TAB1: variants seen among roughly 807,000 people sequenced by gnomAD.
The protein encoded by TAB1 is TGF-beta-activated kinase 1 and MAP3K7-binding protein 1.
Under a neutral mutation model 54.5 loss-of-function variants are expected in TAB1, and 30 were observed. That is an observed-to-expected ratio of 0.55 (90% confidence interval 0.41 to 0.75). TAB1 has a LOEUF of 0.75. Among genes scored for constraint, TAB1 ranks in the 30% least tolerant of loss-of-function variants. The probability of loss-of-function intolerance (pLI) is 0.00; values close to 1 mark genes in which losing one functional copy is unlikely to be tolerated. For missense variants in TAB1, 609 were observed against 683.2 expected (o/e 0.89, Z 1.21); for synonymous variants, 289 against 286.9 (o/e 1.01, Z -0.07).
chr22:39,419,586 G>A lies in TAB1; in HGVS notation c.732G>A (p.Gly244=), dbSNP rs1926983090. Residue 244 remains glycine, a synonymous_variant, in exon 7 of 11, where the codon GGG becomes GGA. Coordinates refer to ENST00000216160, the MANE Select transcript of TAB1 (RefSeq NM_006116.3). Reference sequence around the variant, plus strand: ...GGCAGGAGAGCACCCGGCGGATCGGGGATTACAAGGTTAAATATGGCTACA... The same window carrying A: ...GGCAGGAGAGCACCCGGCGGATCGGAGATTACAAGGTTAAATATGGCTACA... ...ICGQESTRRI[G]DYKVKYGYTD... The A allele has an allele frequency of 2.5e-6, 4 of 1,613,072 alleles. No homozygotes were observed. In the East Asian group the frequency reaches 8.9e-5, roughly 36 times the overall value.
intron 1 of TAB1, among the ~76,000 whole-genome samples, chr22:39,409,527 C>T (rs1926518661): frequency 2.0e-5 from 3 of 152,234 alleles, no homozygotes; most frequent in Admixed American, 2.0e-4. Flanking sequence ...CCTGTGCTCA[C>T]TAGAGAGGCC....
chr22:39,414,197 G>A (rs1926726542), intron 1 of TAB1, among the ~76,000 whole-genome samples: 1 of 152,042 alleles, frequency 6.6e-6, no homozygotes, highest in Admixed American at 6.6e-5. Flanking sequence ...TCCTGGAGGT[G>A]GTGACTCCTG....
intron 1 of TAB1, among the ~76,000 whole-genome samples, chr22:39,401,084 C>T (rs1465127770): frequency 3.3e-5 from 5 of 150,922 alleles, no homozygotes; most frequent in African/African-American, 1.2e-4. Context: ...AGGACAGGGA[C>T]CTGTGATCTC....
rs1394951431 is a variant in TAB1, at chr22:39,428,027, G to C, written c.1151G>C (p.Gly384Ala). 5 of 1,591,942 alleles carry C rather than the reference G, an allele frequency of 3.1e-6. No homozygotes were observed. In the East Asian group the frequency reaches 9.0e-5, roughly 29 times the overall value. Reference protein sequence around the residue: ...QPTPSPAPAAGGRVYPVSVPY... With the variant: ...QPTPSPAPAAAGRVYPVSVPY... ...CACTCTCTTCCTCCCAAAGCTGCAG[G>C]AGGACGAGTGTACCCTGTGTCTGTG... The change falls in exon 10 of 11, where the codon GGA (glycine) becomes GCA (alanine). Residue 384 changes from glycine to alanine, a missense_variant. Gly to Ala is a moderately conservative substitution (Grantham distance 60). Coordinates refer to ENST00000216160, the MANE Select transcript of TAB1 (RefSeq NM_006116.3).
chr22:39,415,255 G>A lies in TAB1; in HGVS notation c.170+113G>A, dbSNP rs1216795676. The stretch of plus-strand genomic sequence containing the variant: ...TGGGCTTGCCAGTGACATGTGGCCC[G>A]TGAGAGGTGGCCTCTGCTGCTGTCT... On this transcript the variant is annotated intron_variant, in intron 2 of 10. Transcript: ENST00000216160. The surrounding 1 kb of genome is among the most constrained non-coding windows in gnomAD (Gnocchi z 4.9). The A allele has an allele frequency of 1.0e-5, 14 of 1,336,950 alleles. No individual in the cohort carries two copies. The highest frequency in any genetic ancestry group is 4.7e-5 in the East Asian group (2 of 42,442). 82.8% of individuals were successfully genotyped at this position (1,336,950 alleles called of 1,614,324 possible).
chr22:39,424,808 A>G (rs1927247638), intron 8 of TAB1, among the ~76,000 whole-genome samples: 1 of 152,118 alleles, frequency 6.6e-6, no homozygotes, highest in African/African-American at 2.4e-5. Flanking sequence ...GCCTTATAAC[A>G]TAGAGGGACA....
At chr22:39,408,468 T>C (rs1242629748) in intron 1 of TAB1, among the ~76,000 whole-genome samples, 1 of 152,240 alleles carries the variant, frequency 6.6e-6, no homozygotes, top group Non-Finnish European at 1.5e-5. Flanking sequence ...CTTTCTTTAC[T>C]TGTGGAAGAC....
downstream of TAB1, among the ~76,000 whole-genome samples, chr22:39,434,068 G>A (rs1312759187): frequency 1.3e-5 from 2 of 152,184 alleles, no homozygotes; most frequent in East Asian, 3.9e-4. Flanking sequence ...GGGACAGAGG[G>A]AATGGCCGTG....
chr22:39,426,708 T>C lies in TAB1; in HGVS notation c.927T>C (p.Ile309=). ...AHGPGQANQE[I]AAMIDTEFAK... Reference sequence around the variant, plus strand: ...CTTCCTACCCCCTCCCCCAGGAGATTGCTGCGATGATTGACACTGAGTTTG... The same window carrying C: ...CTTCCTACCCCCTCCCCCAGGAGATCGCTGCGATGATTGACACTGAGTTTG... Residue 309 remains isoleucine, a synonymous_variant, in exon 9 of 11, where the codon ATT becomes ATC. Coordinates refer to ENST00000216160, the MANE Select transcript of TAB1 (RefSeq NM_006116.3). 1.9e-6 allele frequency: 3 copies of C among 1,599,628 alleles called. No individual in the cohort carries two copies. Among genetic ancestry groups the C allele is most frequent in the Non-Finnish European group, 2.6e-6 (3 of 1,168,362 alleles).
chr22:39,412,408 G>T (rs1926644267), intron 1 of TAB1, among the ~76,000 whole-genome samples: 1 of 152,168 alleles, frequency 6.6e-6, no homozygotes, highest in South Asian at 2.1e-4. Context: ...ATTAGGGGAG[G>T]GAGTGCGTTG....
Position 39,399,841 on chromosome 22 carries a change from G to A in TAB1, c.33+6G>A, listed in dbSNP as rs1374618148. On this transcript the variant is annotated splice_donor_region_variant and intron_variant, in intron 1 of 10. Coordinates refer to ENST00000216160, the MANE Select transcript of TAB1 (RefSeq NM_006116.3). The stretch of plus-strand genomic sequence containing the variant: ...GGAGGAGCTTGCTGCAGAGTGTGAG[G>A]AACAGGCCCGCTCTCTGGGCTTGGG... 2 of 1,595,536 alleles carry A rather than the reference G, an allele frequency of 1.3e-6. No individual in the cohort carries two copies. The highest frequency in any genetic ancestry group is 8.5e-7 in the Non-Finnish European group (1 of 1,171,550).
chr22:39,417,724 A>C lies in TAB1; in HGVS notation c.425A>C (p.His142Pro). 1.9e-6 allele frequency: 3 copies of C among 1,610,534 alleles called. No individual in the cohort carries two copies. The South Asian group carries it at 3.3e-5, about 18-fold the overall frequency. The change falls in exon 5 of 11, where the codon CAC becomes CCC. Residue 142 changes from histidine to proline, a missense_variant. By Grantham distance (77) the His-to-Pro change is moderately conservative (BLOSUM62 -2). Coordinates refer to ENST00000216160, the MANE Select transcript of TAB1 (RefSeq NM_006116.3). ...QSQLPEGVPQ[H>P]QLPPQYQKIL... Reference sequence around the variant, plus strand: ...TGATGGTTGTAGGGAGTCCCTCAGCACCAGCTGCCTCCTCAGTATCAGAAG... The same window carrying C: ...TGATGGTTGTAGGGAGTCCCTCAGCCCCAGCTGCCTCCTCAGTATCAGAAG...
At chr22:39,436,363 A>T, downstream of TAB1, 1 of 726,244 alleles carries the variant, frequency 1.4e-6, no homozygotes, top group Non-Finnish European at 2.4e-6. Context: ...TATCTCATTT[A>T]ACCTGGCAAA....
At chr22:39,426,016 C>T (rs1927318648) in intron 8 of TAB1, among the ~76,000 whole-genome samples, 1 of 151,966 alleles carries the variant, frequency 6.6e-6, no homozygotes, top group African/African-American at 2.4e-5. Flanking sequence ...TGCCACCATG[C>T]CCAGCTAATT....
chr22:39,436,599 T>C (rs771633176), downstream of TAB1: 37 of 1,557,308 alleles, frequency 2.4e-5, no homozygotes, highest in Admixed American at 6.0e-4. Flanking sequence ...CAAGGGGCCC[T>C]CTGGGAGCTG....
chr22:39,415,670 C>T lies in TAB1; in HGVS notation c.324+17C>T, dbSNP rs1456645552. 1 of 1,599,546 alleles carries T rather than the reference C, an allele frequency of 6.3e-7. No individual in the cohort carries two copies. The highest frequency in any genetic ancestry group is 2.2e-5 in the East Asian group (1 of 44,740). On this transcript the variant is annotated intron_variant, in intron 3 of 10. Coordinates refer to ENST00000216160, the MANE Select transcript of TAB1 (RefSeq NM_006116.3). The surrounding 1 kb of genome is among the most constrained non-coding windows in gnomAD (Gnocchi z 4.9). ...CTGCTGCAGGTAATGGTGCCGGGGC[C>T]AACAGTGACCCAGCCACATCATGTC...
rs1379554152 is a variant in TAB1 at position 39,399,962 on chromosome 22, C to T, written c.33+127C>T. On this transcript the variant is annotated intron_variant, in intron 1 of 10. Coordinates refer to ENST00000216160, the MANE Select transcript of TAB1 (RefSeq NM_006116.3). ...CTCCGTGGTGGGGTGTGTCAGCCAC[C>T]TTCTCCTCTCCTCGGGCTGGCCCCC... The T allele has an allele frequency of 2.9e-6, 3 of 1,047,616 alleles. No homozygotes were observed. The Admixed American group carries it at 6.7e-5, about 23-fold the overall frequency. The allele number at this position is 1,047,616 out of a possible 1,614,324, so 64.9% of individuals were successfully genotyped here. A position where few individuals can be genotyped will look rare whatever the true frequency, so the allele number is the denominator to read the frequency against.
intron 5 of TAB1, among the ~76,000 whole-genome samples, chr22:39,418,274 C>T (rs917670294): frequency 6.6e-6 from 1 of 152,100 alleles, no homozygotes; most frequent in Non-Finnish European, 1.5e-5. Flanking sequence ...TCTGTAGAGA[C>T]CCTTCTGATG....
chr22:39,430,127 G>A lies in TAB1; in HGVS notation c.1420G>A (p.Glu474Lys), dbSNP rs1267518406. ...GCCCGCCCACTCGCTCCCGCCTGGC[G>A]AGGACGGTCGTGTTGAGCCCTATGT... is the stretch of plus-strand genomic sequence containing the variant. ...SRPAHSLPPG[E>K]DGRVEPYVDF... The change falls in exon 11 of 11, where the codon GAG (glutamate) becomes AAG (lysine). Residue 474 changes from glutamate (E) to lysine (K), a missense_variant. Transcript: ENST00000216160. 3.7e-6 allele frequency: 6 copies of A among 1,613,928 alleles called. No homozygotes were observed. Among genetic ancestry groups the A allele is most frequent in the East Asian group, 2.2e-5 (1 of 44,902 alleles).
Sources: gnomAD v4.1 joint callset for allele counts (sites outside exome capture counted in the v4.1 genomes callset) on GRCh38, gnomAD v4.1.1 for gene constraint, Gnocchi (gnomAD v3.1) non-coding constraint, MANE v1.5 for transcripts, NCBI Gene and HGNC (gene_info 2026-07-23, HGNC 2026-07-21) for gene names.